The following SMIM31 variants were observed in gnomAD, a reference collection of about 807,000 sequenced individuals.
SMIM31 encodes small integral membrane protein 31, also known as human epithelial cell program regulator.
intron 2 of SMIM31, among the ~76,000 whole-genome samples, chr4:164,781,271 T>C (rs537244192): frequency 1.3e-5 from 2 of 152,220 alleles, no homozygotes; most frequent in African/African-American, 2.4e-5. Flanking sequence ...CTTACAAAGA[T>C]AAAACATATG....
In SMIM31 at chr4:164,801,123, A is replaced by G. The variant is rs556593221; in HGVS notation, c.145A>G (p.Lys49Glu). 2.8e-5 allele frequency: 11 copies of G among 399,030 alleles called. No homozygotes were observed. The South Asian group carries it at 7.6e-4, about 28-fold the overall frequency. The allele number at this position is 399,030 out of a possible 1,614,324, so 24.7% of individuals were successfully genotyped here. ...ACATGAAAAAAAGGGAAGGGAAAAG[A>G]AAAGGAAAAAGTCTGAAAAGAAGAA... ...EEHEKKGREKKRKKSEKKKNC... is the reference protein window; with the variant it reads ...EEHEKKGREKERKKSEKKKNC... The change falls in exon 3 of 3, where the codon AAA becomes GAA. Residue 49 changes from lysine (K) to glutamate (E), a missense_variant. By Grantham distance (56) the Lys-to-Glu change is moderately conservative (BLOSUM62 1). Coordinates refer to ENST00000507311, the MANE Select transcript of SMIM31 (RefSeq NM_001352885.1).
chr4:164,766,537 G>A (rs1732722789), intron 1 of SMIM31, among the ~76,000 whole-genome samples: 1 of 152,078 alleles, frequency 6.6e-6, no homozygotes, highest in Admixed American at 6.6e-5. Flanking sequence ...GGTGGCTCAC[G>A]TCTGTAATCC....
At chr4:164,772,954 T>C (rs953956538) in intron 2 of SMIM31, among the ~76,000 whole-genome samples, 3 of 147,518 alleles carry the variant, frequency 2.0e-5, no homozygotes, top group Non-Finnish European at 4.4e-5. Context: ...CTCCAGCTTA[T>C]AGGACTCCAG....
intron 2 of SMIM31, among the ~76,000 whole-genome samples, chr4:164,795,558 CAAAAAAAAAAAAAAAAAAAA>C (rs60083689): frequency 1.3e-5 from 1 of 76,958 alleles, no homozygotes; most frequent in African/African-American, 5.4e-5. Context: ...TACTCCATCT[CAAAAAAAAAAAAAAAAAAAA>C]AAAAAAGAAG....
chr4:164,801,984 A>G lies in SMIM31; in HGVS notation c.*790A>G, dbSNP rs1381440052. The G allele has an allele frequency of 6.6e-6, 1 of 151,720 alleles. No individual in the cohort carries two copies. Among genetic ancestry groups the G allele is most frequent in the Non-Finnish European group, 1.5e-5 (1 of 67,978 alleles). The allele number at this position is 151,720 out of a possible 1,614,324, so 9.4% of individuals were successfully genotyped here. A position where few individuals can be genotyped will look rare whatever the true frequency, so the allele number is the denominator to read the frequency against. On this transcript the variant is annotated 3_prime_UTR_variant, in exon 3 of 3. Coordinates refer to ENST00000507311, the MANE Select transcript of SMIM31 (RefSeq NM_001352885.1). ...TGCAGTGGCTCACGCCTGTAATCCC[A>G]GCACTTTGGGAGGCCGAGGTGGGCA...
intron 2 of SMIM31, among the ~76,000 whole-genome samples, chr4:164,795,280 AG>A (rs1027640457): frequency 2.0e-5 from 3 of 152,202 alleles, no homozygotes; most frequent in African/African-American, 7.2e-5. Context: ...CGCAGGAGCC[AG>A]GCGCCATGAC....
At chr4:164,780,365 T>G (rs754073542) in intron 2 of SMIM31, among the ~76,000 whole-genome samples, 13 of 152,200 alleles carry the variant, frequency 8.5e-5, no homozygotes, top group Non-Finnish European at 1.9e-4. Flanking sequence ...AGGTGGAGGT[T>G]GCAGTGAGCC....
intron 2 of SMIM31, among the ~76,000 whole-genome samples, chr4:164,789,061 A>G (rs1036470433): frequency 9.8e-6 from 1 of 102,204 alleles, no homozygotes; most frequent in African/African-American, 3.8e-5. Flanking sequence ...CTTACTTGAA[A>G]ATTGTGATCT....
At chr4:164,788,506 T>TTTTTTTTTTTTTTTTTTTTTC (rs1733058489) in intron 2 of SMIM31, among the ~76,000 whole-genome samples, 1 of 131,300 alleles carries the variant, frequency 7.6e-6, no homozygotes, top group African/African-American at 3.0e-5. Flanking sequence ...TTTTTTTTTT[T>TTTTTTTTTTTTTTTTTTTTTC]GAGACGGAGT....
intron 2 of SMIM31, among the ~76,000 whole-genome samples, chr4:164,793,040 C>A (rs1175676298): frequency 1.3e-5 from 2 of 152,028 alleles, no homozygotes; most frequent in Admixed American, 6.5e-5. Context: ...AAAAAAAGAA[C>A]AAAATCATGT....
intron 2 of SMIM31, among the ~76,000 whole-genome samples, chr4:164,770,893 A>ACATGGTTACCACATGGTAAC (rs1429266003): frequency 1.3e-5 from 2 of 152,208 alleles, no homozygotes; most frequent in South Asian, 2.1e-4. Context: ...TGTGCCCACC[A>ACATGGTTACCACATGGTAAC]CATGGTTACC....
intron 1 of SMIM31, among the ~76,000 whole-genome samples, chr4:164,766,717 G>A (rs957807931): frequency 6.6e-6 from 1 of 151,768 alleles, no homozygotes; most frequent in Non-Finnish European, 1.5e-5. Flanking sequence ...AGAATCGCTT[G>A]AACCCGGGAA....
chr4:164,770,632 G>A (rs924242914), intron 2 of SMIM31, 77 bp downstream of exon 2: 1 of 397,854 alleles, frequency 2.5e-6, no homozygotes. Context: ...GCCATGTGTT[G>A]GGATTTGGTT....
chr4:164,798,243 A>AT lies in SMIM31; in HGVS notation c.113-2840dup, dbSNP rs1359720810. Among the ~76,000 whole-genome samples the AT allele has an allele frequency of 1.8e-3, 192 of 106,090 alleles. 1 individual carries two copies. Among genetic ancestry groups the AT allele is most frequent in the African/African-American group, 6.6e-3 (183 of 27,886 alleles). 69.6% of individuals were successfully genotyped at this position (106,090 alleles called of 152,430 possible). ...ATAATGATTTTTATTTTTTTTTTTT[A>AT]TTTTTTTTGAGACGGAGTCTCGCTC... is the stretch of plus-strand genomic sequence containing the variant. On this transcript the variant is annotated intron_variant, in intron 2 of 2. Coordinates refer to ENST00000507311, the MANE Select transcript of SMIM31 (RefSeq NM_001352885.1).
intron 1 of SMIM31, among the ~76,000 whole-genome samples, chr4:164,767,796 A>G (rs1732738637): frequency 6.6e-6 from 1 of 152,224 alleles, no homozygotes; most frequent in South Asian, 2.1e-4. Flanking sequence ...GTCGGGTTCC[A>G]AGTTCCATAA....
At chr4:164,789,124 C>T (rs1489648106) in intron 2 of SMIM31, among the ~76,000 whole-genome samples, 2 of 152,146 alleles carry the variant, frequency 1.3e-5, no homozygotes, top group African/African-American at 2.4e-5. Flanking sequence ...TCCTTACACA[C>T]ATAACAAGGT....
chr4:164,784,111 T>C (rs1732996757), intron 2 of SMIM31, among the ~76,000 whole-genome samples: 1 of 152,120 alleles, frequency 6.6e-6, no homozygotes, highest in Non-Finnish European at 1.5e-5. Context: ...CAACTAACGA[T>C]GAAGAAAGTT....
chr4:164,788,577 C>A (rs1733060423), intron 2 of SMIM31, among the ~76,000 whole-genome samples: 1 of 144,724 alleles, frequency 6.9e-6, no homozygotes, highest in South Asian at 2.2e-4. Context: ...GCAACTTCCG[C>A]CTCCCTGGTT....
At chr4:164,783,217 C>T (rs1265679273) in intron 2 of SMIM31, among the ~76,000 whole-genome samples, 1 of 32,866 alleles carries the variant, frequency 3.0e-5, no homozygotes. Context: ...GACTCTGTCT[C>T]AAAAAAAAAA....
Sources: allele counts gnomAD v4.1 joint callset (sites outside exome capture counted in the v4.1 genomes callset), GRCh38; gene constraint gnomAD v4.1.1; transcripts MANE v1.5; gene names NCBI Gene and HGNC (gene_info 2026-07-23, HGNC 2026-07-21).